Variants in GPC6 observed in about 807,000 individuals in gnomAD.
GPC6 encodes glypican 6, also known as glypican-6.
GPC6 carries 14 observed loss-of-function variants against 55.2 expected under a neutral mutation model. That is an observed-to-expected ratio of 0.25 (90% CI 0.17 to 0.40). The LOEUF is 0.40. Ranked by LOEUF, GPC6 falls within the 10% of genes least tolerant of loss-of-function variation. The pLI is 1.00. For missense variants in GPC6, 641 were observed against 708.5 expected, an observed-to-expected ratio of 0.90 and a Z score of 1.08; for synonymous variants, 278 against 259.6, an observed-to-expected ratio of 1.07 and a Z score of -0.68.
intron 2 of GPC6, among the ~76,000 whole-genome samples, chr13:93,745,961 A>G (rs553028816): frequency 3.9e-5 from 6 of 152,332 alleles, no homozygotes; most frequent in Admixed American, 3.9e-4. Flanking sequence ...AATCAGTGAT[A>G]ATGAAATTGT....
At chr13:93,766,966 A>G (rs1298423756) in intron 2 of GPC6, among the ~76,000 whole-genome samples, 1 of 152,124 alleles carries the variant, frequency 6.6e-6, no homozygotes, top group African/African-American at 2.4e-5. Flanking sequence ...ACAGTGCTTT[A>G]AAATGCACTT....
intron 2 of GPC6, among the ~76,000 whole-genome samples, chr13:93,766,052 G>C (rs138873114): frequency 1.8e-4 from 28 of 152,188 alleles, no homozygotes; most frequent in African/African-American, 6.5e-4. Flanking sequence ...CATACCATGG[G>C]TGTTCTGATA....
intron 4 of GPC6, among the ~76,000 whole-genome samples, chr13:94,065,720 C>T (rs1038467782): frequency 1.3e-5 from 2 of 152,170 alleles, no homozygotes; most frequent in Admixed American, 6.5e-5. Context: ...AGGCCCCTAG[C>T]CTTGGGCAAA....
At chr13:94,072,717 A>G (rs1884779841) in intron 4 of GPC6, among the ~76,000 whole-genome samples, 1 of 152,232 alleles carries the variant, frequency 6.6e-6, no homozygotes, top group African/African-American at 2.4e-5. Flanking sequence ...GAATATTGCA[A>G]AGGCACCAGT....
intron 4 of GPC6, among the ~76,000 whole-genome samples, chr13:94,223,458 T>C (rs34782964): frequency 0.014 from 2,195 of 152,308 alleles, 37 homozygotes; most frequent in Non-Finnish European, 0.017. Context: ...AAATTGAGTC[T>C]CACAAAACAT....
intron 1 of GPC6, among the ~76,000 whole-genome samples, chr13:93,431,834 G>A (rs1877371375): frequency 6.6e-6 from 1 of 152,132 alleles, no homozygotes; most frequent in East Asian, 1.9e-4. Flanking sequence ...CTAGCAAATA[G>A]TATGTGATGA....
chr13:93,886,749 ATTTTTTTTTTG>A (rs1312631002), intron 3 of GPC6, among the ~76,000 whole-genome samples: 2 of 135,340 alleles, frequency 1.5e-5, no homozygotes, highest in Admixed American at 1.5e-4. Context: ...AGCATCTGTC[ATTTTTTTTTTG>A]TTTTTTTTTT....
At chr13:94,143,355 G>A (rs925498338) in intron 4 of GPC6, among the ~76,000 whole-genome samples, 1 of 152,020 alleles carries the variant, frequency 6.6e-6, no homozygotes, top group South Asian at 2.1e-4. Context: ...TTTTAATTCA[G>A]ACTTATTTGA....
intron 2 of GPC6, among the ~76,000 whole-genome samples, chr13:93,589,186 CT>C (rs1566438317): frequency 1.8e-5 from 2 of 112,286 alleles, no homozygotes; most frequent in African/African-American, 1.8e-4. Flanking sequence ...ATTTTATTAC[CT>C]TTGCTTTTTT....
intron 2 of GPC6, among the ~76,000 whole-genome samples, chr13:93,816,769 G>A (rs899303880): frequency 6.6e-6 from 1 of 150,954 alleles, no homozygotes; most frequent in African/African-American, 2.4e-5. Flanking sequence ...ATTGTAAATC[G>A]TTATTATATA....
intron 2 of GPC6, among the ~76,000 whole-genome samples, chr13:93,636,779 A>G (rs1879720644): frequency 6.6e-6 from 1 of 152,176 alleles, no homozygotes; most frequent in Non-Finnish European, 1.5e-5. Context: ...TACTGAGAAC[A>G]CATTTTTATT....
intron 3 of GPC6, among the ~76,000 whole-genome samples, chr13:93,858,734 C>A (rs981089389): frequency 6.6e-6 from 1 of 151,456 alleles, no homozygotes; most frequent in Non-Finnish European, 1.5e-5. Flanking sequence ...CCATGCAGAG[C>A]TCATTGGTGG....
chr13:93,995,161 C>CTATTTTATTT (rs5805840), intron 3 of GPC6, among the ~76,000 whole-genome samples: 45 of 144,406 alleles, frequency 3.1e-4, no homozygotes, highest in African/African-American at 7.7e-4. Flanking sequence ...TGTACTTCAA[C>CTATTTTATTT]TATTTTATTT....
At chr13:93,367,215 C>T (rs1881281846) in intron 1 of GPC6, among the ~76,000 whole-genome samples, 1 of 152,072 alleles carries the variant, frequency 6.6e-6, no homozygotes, top group Non-Finnish European at 1.5e-5. Context: ...GAAAGAAATT[C>T]ACTCTTTGTT....
intron 3 of GPC6, among the ~76,000 whole-genome samples, chr13:93,936,516 C>A (rs1359914858): frequency 1.3e-5 from 2 of 152,008 alleles, no homozygotes; most frequent in Non-Finnish European, 1.5e-5. Flanking sequence ...TCAAAGAAAT[C>A]ATTTGTGTGA....
chr13:93,729,733 ATGCTTACATATG>A (rs1883760297), intron 2 of GPC6, among the ~76,000 whole-genome samples: 1 of 152,186 alleles, frequency 6.6e-6, no homozygotes, highest in African/African-American at 2.4e-5. Flanking sequence ...CTCAACATAA[ATGCTTACATATG>A]TGTGCACATG....
At chr13:94,226,073 A>G (rs532396217) in intron 4 of GPC6, among the ~76,000 whole-genome samples, 88 of 152,262 alleles carry the variant, frequency 5.8e-4, no homozygotes, top group Non-Finnish European at 1.2e-3. Flanking sequence ...GTGACACCAC[A>G]CTGCCACTCT....
At chr13:93,739,525 G>C (rs1884126206) in intron 2 of GPC6, among the ~76,000 whole-genome samples, 2 of 151,860 alleles carry the variant, frequency 1.3e-5, no homozygotes, top group Admixed American at 1.3e-4. Flanking sequence ...TGCCTCCCGG[G>C]TTCGCGCCAT....
chr13:94,221,955 A>G (rs1245601954), intron 4 of GPC6, among the ~76,000 whole-genome samples: 2 of 152,156 alleles, frequency 1.3e-5, no homozygotes, highest in Middle Eastern at 3.4e-3. Context: ...AATCTAAATT[A>G]AAAGTCAAGA....
Sources: allele counts gnomAD v4.1 joint callset (sites outside exome capture counted in the v4.1 genomes callset), GRCh38; gene constraint gnomAD v4.1.1; transcripts MANE v1.5; gene names NCBI Gene and HGNC (gene_info 2026-07-23, HGNC 2026-07-21).